AGBL4: variants seen among roughly 807,000 people sequenced by gnomAD.
AGBL4 encodes cytosolic carboxypeptidase 6.
Under a neutral mutation model 66.4 loss-of-function variants are expected in AGBL4, and 58 were observed. The observed-to-expected ratio is 0.87, with a 90% CI of 0.71 to 1.09. The LOEUF (loss-of-function observed/expected upper bound fraction) is 1.09. AGBL4 is among the 50% of genes least tolerant of loss of function. The probability of loss-of-function intolerance (pLI) is 0.00; values close to 1 mark genes in which losing one functional copy is unlikely to be tolerated. For missense variants in AGBL4, 579 were observed against 631.0 expected, an observed-to-expected ratio of 0.92 and a Z score of 0.88; for synonymous variants, 234 against 222.9, an observed-to-expected ratio of 1.05 and a Z score of -0.44.
intron 3 of AGBL4, among the ~76,000 whole-genome samples, chr1:49,395,913 A>C (rs1438376236): frequency 6.8e-6 from 1 of 148,138 alleles, no homozygotes; most frequent in Non-Finnish European, 1.5e-5. Flanking sequence ...CCCCAAGCAT[A>C]ATCTCATAAA....
chr1:48,936,912 A>G (rs1042684498), intron 5 of AGBL4, among the ~76,000 whole-genome samples: 1 of 152,184 alleles, frequency 6.6e-6, no homozygotes, highest in Admixed American at 6.5e-5. Flanking sequence ...TGTAAGGGCA[A>G]TTGGGAATCT....
intron 3 of AGBL4, chr1:49,469,745 A>T (rs1363517654): frequency 6.6e-6 from 1 of 151,936 alleles, no homozygotes; most frequent in Non-Finnish European, 1.5e-5. Flanking sequence ...TTTTGATTTA[A>T]GCTGCTGCTA....
intron 11 of AGBL4, among the ~76,000 whole-genome samples, chr1:48,572,326 G>A (rs1477460602): frequency 6.6e-6 from 1 of 152,106 alleles, no homozygotes; most frequent in Non-Finnish European, 1.5e-5. Context: ...GGACAGAGTG[G>A]CTTCTTGTTT....
chr1:49,114,739 T>C (rs201215520), intron 4 of AGBL4, among the ~76,000 whole-genome samples: 6,581 of 152,204 alleles, frequency 0.043, 168 homozygotes, highest in East Asian at 0.074. Context: ...TTGTTGTGTC[T>C]CAGGGAATAC....
chr1:49,791,549 G>A (rs932218732), intron 2 of AGBL4, among the ~76,000 whole-genome samples: 10 of 151,988 alleles, frequency 6.6e-5, no homozygotes, highest in African/African-American at 2.4e-4. Flanking sequence ...TGGTCTATGA[G>A]ACACTACATA....
At chr1:49,535,194 T>G (rs1043881515) in intron 3 of AGBL4, among the ~76,000 whole-genome samples, 1 of 151,944 alleles carries the variant, frequency 6.6e-6, no homozygotes, top group Non-Finnish European at 1.5e-5. Context: ...CTTTATAGAT[T>G]AAAAAATATG....
intron 2 of AGBL4, among the ~76,000 whole-genome samples, chr1:49,818,251 C>T (rs1050004614): frequency 2.6e-5 from 4 of 152,006 alleles, no homozygotes; most frequent in African/African-American, 9.7e-5. Context: ...AAAATGATGA[C>T]TAAAAGAAGA....
chr1:49,793,299 T>C (rs1644648511), intron 2 of AGBL4, among the ~76,000 whole-genome samples: 2 of 152,020 alleles, frequency 1.3e-5, no homozygotes, highest in African/African-American at 4.8e-5. Flanking sequence ...CAAAATTAAG[T>C]TTAAACAGAA....
chr1:49,518,558 C>A (rs1056956749), intron 3 of AGBL4, among the ~76,000 whole-genome samples: 2 of 152,020 alleles, frequency 1.3e-5, no homozygotes, highest in African/African-American at 2.4e-5. Flanking sequence ...CTTTCGTACA[C>A]CCTTGCTGTG....
chr1:49,953,337 T>C (rs1017709586), intron 1 of AGBL4, among the ~76,000 whole-genome samples: 2 of 151,968 alleles, frequency 1.3e-5, no homozygotes, highest in African/African-American at 4.8e-5. Flanking sequence ...TTTCACTATC[T>C]GGTTAGGTAC....
At chr1:50,023,698 T>C (rs1055973131) in intron 1 of AGBL4, 65 bp downstream of exon 1, 11 of 1,515,706 alleles carry the variant, frequency 7.3e-6, no homozygotes, top group Non-Finnish European at 9.7e-6. Context: ...CCGAGTCCCC[T>C]GTTGCCTGAG....
chr1:49,594,390 G>A (rs1223029022), intron 3 of AGBL4, among the ~76,000 whole-genome samples: 1 of 152,106 alleles, frequency 6.6e-6, no homozygotes, highest in African/African-American at 2.4e-5. Flanking sequence ...TACAAGTGCA[G>A]AACATGCAGG....
chr1:48,543,417 TCCATC>T (rs1434195924), intron 11 of AGBL4, among the ~76,000 whole-genome samples: 4 of 151,604 alleles, frequency 2.6e-5, no homozygotes, highest in Admixed American at 6.6e-5. Flanking sequence ...CATCCATCCA[TCCATC>T]CATCCATCTA....
intron 3 of AGBL4, among the ~76,000 whole-genome samples, chr1:49,369,630 CA>C (rs1348668879): frequency 1.3e-5 from 2 of 151,954 alleles, no homozygotes; most frequent in Non-Finnish European, 2.9e-5. Context: ...TTAGGTAGGA[CA>C]AAGTTGCTAA....
At chr1:49,380,446 T>C (rs1320192510) in intron 3 of AGBL4, among the ~76,000 whole-genome samples, 14 of 152,044 alleles carry the variant, frequency 9.2e-5, no homozygotes, top group Admixed American at 9.2e-4. Flanking sequence ...TTCAATGCCA[T>C]CCCCATCAAG....
intron 1 of AGBL4, among the ~76,000 whole-genome samples, chr1:49,877,128 T>C (rs926092488): frequency 6.6e-6 from 1 of 151,576 alleles, no homozygotes; most frequent in Non-Finnish European, 1.5e-5. Context: ...ACTTCCTCTT[T>C]TCCTAATTGA....
intron 4 of AGBL4, among the ~76,000 whole-genome samples, chr1:49,189,094 T>C (rs1647068250): frequency 6.6e-6 from 1 of 152,140 alleles, no homozygotes; most frequent in Non-Finnish European, 1.5e-5. Flanking sequence ...AGCCAGGTAT[T>C]TGTTACCACA....
chr1:49,072,892 A>G (rs1057139895), intron 4 of AGBL4, among the ~76,000 whole-genome samples: 3 of 152,082 alleles, frequency 2.0e-5, no homozygotes, highest in Non-Finnish European at 4.4e-5. Flanking sequence ...TCAAACGTAG[A>G]TTTGGTCTTT....
Position 49,539,221 on chromosome 1 carries a change from T to TGGAATGATA in AGBL4, c.282+158083_282+158091dup, listed in dbSNP as rs535887523. 3.4e-4 allele frequency among the ~76,000 whole-genome samples: 52 copies of TGGAATGATA among 152,308 alleles called. 1 individual carries two copies. In the South Asian group the frequency reaches 9.5e-3, roughly 28 times the overall value. ...GTAAACAATTATTCATATCTAATTC[T>TGGAATGATA]GGAATGATATTTATTAAAACATTAA... On this transcript the variant is annotated intron_variant, in intron 3 of 13. Coordinates refer to ENST00000371839, the MANE Select transcript of AGBL4 (RefSeq NM_032785.4).
Sources: allele counts gnomAD v4.1 joint callset (sites outside exome capture counted in the v4.1 genomes callset), GRCh38; gene constraint gnomAD v4.1.1; transcripts MANE v1.5; gene names NCBI Gene and HGNC (gene_info 2026-07-23, HGNC 2026-07-21).